The following PGR variants were observed in gnomAD, a reference collection of about 807,000 sequenced individuals.
PGR encodes nuclear receptor subfamily 3 group C member 3.
In PGR, 25 loss-of-function variants were observed where a neutral mutation model predicts 76.1. The ratio of observed to expected loss-of-function variants is 0.33; its 90% CI spans 0.24 to 0.46. The LOEUF is 0.46. PGR is among the 20% of genes least tolerant of loss of function. PGR has a pLI of 1.00. For synonymous variants in PGR, 579 were observed against 535.0 expected (o/e 1.08, Z -1.14); for missense variants, 1,172 against 1,225.3 (o/e 0.96, Z 0.65).
chr11:101,093,050 A>T (rs1861721447), intron 2 of PGR, among the ~76,000 whole-genome samples: 2 of 152,350 alleles, frequency 1.3e-5, no homozygotes. Flanking sequence ...TATATATGTG[A>T]CAGCTGATAT....
intron 2 of PGR, among the ~76,000 whole-genome samples, chr11:101,117,776 C>G (rs1051243900): frequency 6.6e-6 from 1 of 152,092 alleles, no homozygotes; most frequent in Admixed American, 6.6e-5. Context: ...GCTCAATAAA[C>G]TACCTTTTCT....
intron 3 of PGR, among the ~76,000 whole-genome samples, chr11:101,076,972 C>T (rs1018298017): frequency 2.9e-5 from 3 of 104,736 alleles, no homozygotes; most frequent in African/African-American, 7.3e-5. Flanking sequence ...TATACTGCCT[C>T]ATAATTACCT....
intron 2 of PGR, among the ~76,000 whole-genome samples, chr11:101,123,415 T>C (rs1479118006): frequency 2.6e-5 from 4 of 152,216 alleles, no homozygotes; most frequent in Non-Finnish European, 2.9e-5. Flanking sequence ...TTGAACCTGA[T>C]ATAAGTCCTT....
At position 101,127,845 on chromosome 11, in the gene PGR, G is replaced by T. The variant is rs1274438915; in HGVS notation, c.1226C>A (p.Ala409Asp). The T allele has an allele frequency of 1.9e-6, 3 of 1,587,682 alleles. No homozygotes were observed. Among genetic ancestry groups the T allele is most frequent in the Non-Finnish European group, 2.6e-6 (3 of 1,173,080 alleles). ...RSPRSYLVAGANPAAFPDFPL... is the reference protein window; with the variant it reads ...RSPRSYLVAGDNPAAFPDFPL... ...GAAATCCGGGAAGGCTGCGGGGTTGGCACCGGCCACAAGGTAGGAACGCGG... is the reference window on the plus strand; with the variant it reads ...GAAATCCGGGAAGGCTGCGGGGTTGTCACCGGCCACAAGGTAGGAACGCGG... The change falls in exon 1 of 8, where the codon GCC becomes GAC. Residue 409 changes from alanine to aspartate, a missense_variant. This residue lies in a region of PGR where 893 missense variants were observed against 785.9 expected (regional missense o/e 1.14). Coordinates refer to ENST00000325455, the MANE Select transcript of PGR (RefSeq NM_000926.4).
At chr11:101,077,106 C>T (rs916268456) in intron 3 of PGR, among the ~76,000 whole-genome samples, 1 of 151,452 alleles carries the variant, frequency 6.6e-6, no homozygotes, top group Admixed American at 6.6e-5. Context: ...GTTTGTATTC[C>T]CATCCTGAAC....
Position 101,062,758 on chromosome 11 carries a change from G to T in PGR, c.1907-6C>A. On this transcript the variant is annotated splice_region_variant and splice_polypyrimidine_tract_variant and intron_variant, in intron 3 of 7. Transcript: ENST00000325455. ...GAACTTTTTAAATTTTCGACCTACA[G>T]AGAAGAAAAAAAAGAAATTCATGTA... 6.2e-7 allele frequency: 1 copy of T among 1,600,480 alleles called. No homozygotes were observed. Among genetic ancestry groups the T allele is most frequent in the South Asian group, 1.1e-5 (1 of 89,554 alleles).
Position 101,091,725 on chromosome 11 carries a change from A to AC in PGR, c.1906+34dup, listed in dbSNP as rs763528049. The AC allele has an allele frequency of 2.5e-5, 25 of 992,424 alleles. No homozygotes were observed. The African/African-American group carries it at 3.8e-4, about 15-fold the overall frequency. 61.5% of individuals were successfully genotyped at this position (992,424 alleles called of 1,614,324 possible). A position where few individuals can be genotyped will look rare whatever the true frequency, so the allele number is the denominator to read the frequency against. ...CACACAGTTTTATAGTATAAAGATT[A>AC]CACAGTATATTATTGATGAAAACAT... On this transcript the variant is annotated intron_variant, in intron 3 of 7. Transcript: ENST00000325455.
chr11:101,100,832 A>G (rs1404371548), intron 2 of PGR, among the ~76,000 whole-genome samples: 1 of 152,120 alleles, frequency 6.6e-6, no homozygotes, highest in Non-Finnish European at 1.5e-5. Context: ...AACATCCCAT[A>G]ATGCACAGGA....
chr11:101,071,075 C>A (rs1860919199), intron 3 of PGR, among the ~76,000 whole-genome samples: 1 of 152,144 alleles, frequency 6.6e-6, no homozygotes, highest in African/African-American at 2.4e-5. Flanking sequence ...CAGGAGAGCT[C>A]TGGCTGGCAA....
chr11:101,080,271 T>C (rs1304393370), intron 3 of PGR, among the ~76,000 whole-genome samples: 1 of 152,064 alleles, frequency 6.6e-6, no homozygotes, highest in African/African-American at 2.4e-5. Flanking sequence ...AGCTCTTACC[T>C]ATACGTGCCG....
rs1378855795 is a variant in PGR, at chr11:101,031,928, G to C, written c.*7188C>G. 1 of 231,320 alleles carries C rather than the reference G, an allele frequency of 4.3e-6. No homozygotes were observed. Among genetic ancestry groups the C allele is most frequent in the Non-Finnish European group, 8.5e-6 (1 of 116,960 alleles). 14.3% of individuals were successfully genotyped at this position (231,320 alleles called of 1,614,324 possible). ...TTTCTCATTTTCTGAAACTTGAACT[G>C]CTCTAGTCTTACCCGTGTGTATAGA... On this transcript the variant is annotated 3_prime_UTR_variant, in exon 8 of 8. Transcript: ENST00000325455.
At chr11:101,085,734 A>C (rs1861478096) in intron 3 of PGR, among the ~76,000 whole-genome samples, 1 of 152,086 alleles carries the variant, frequency 6.6e-6, no homozygotes. Context: ...AGAAGATCCA[A>C]ATAAACACAA....
intron 7 of PGR, 145 bp downstream of exon 7, chr11:101,041,800 G>A: frequency 2.9e-6 from 2 of 678,154 alleles, no homozygotes; most frequent in Non-Finnish European, 5.0e-6. Flanking sequence ...ACAATAAAAA[G>A]TCTGAGCAGC....
chr11:101,056,806 C>T (rs1487061840), intron 4 of PGR, among the ~76,000 whole-genome samples: 1 of 152,090 alleles, frequency 6.6e-6, no homozygotes, highest in Non-Finnish European at 1.5e-5. Context: ...ATCTCAGCAC[C>T]TTCTGACACA....
chr11:101,041,324 A>G (rs1027231777), intron 7 of PGR, among the ~76,000 whole-genome samples: 2 of 152,122 alleles, frequency 1.3e-5, no homozygotes. Flanking sequence ...CATAGTAGCA[A>G]TAAAAGCTTG....
chr11:101,069,925 G>A (rs1860862382), intron 3 of PGR, among the ~76,000 whole-genome samples: 1 of 151,694 alleles, frequency 6.6e-6, no homozygotes, highest in African/African-American at 2.4e-5. Context: ...GTTGGGTGCA[G>A]CAAACCACCA....
chr11:101,044,258 G>A (rs569521880), intron 6 of PGR, among the ~76,000 whole-genome samples: 1 of 152,272 alleles, frequency 6.6e-6, no homozygotes, highest in African/African-American at 2.4e-5. Context: ...CTTATACTTT[G>A]TTATGGAAAT....
chr11:101,089,170 A>T (rs1861594553), intron 3 of PGR, among the ~76,000 whole-genome samples: 3 of 152,218 alleles, frequency 2.0e-5, no homozygotes, highest in Admixed American at 2.0e-4. Flanking sequence ...TACCCACTGA[A>T]GCTAAAATAA....
At chr11:101,126,520 G>A (rs539369985) in intron 1 of PGR, among the ~76,000 whole-genome samples, 14 of 152,246 alleles carry the variant, frequency 9.2e-5, no homozygotes, top group Admixed American at 3.9e-4. Flanking sequence ...TGTATGCTGG[G>A]TCAAAACAAA....
Sources: gnomAD v4.1 joint callset for allele counts (sites outside exome capture counted in the v4.1 genomes callset) on GRCh38, gnomAD v4.1.1 for gene constraint, gnomAD v4.1.1 regional missense constraint, MANE v1.5 for transcripts, NCBI Gene and HGNC (gene_info 2026-07-23, HGNC 2026-07-21) for gene names.